Variants in PPFIBP2 observed in about 807,000 individuals in gnomAD.
The protein encoded by PPFIBP2 is PPFIB scaffold protein 2.
A neutral mutation model predicts 118.3 loss-of-function variants in PPFIBP2; 118 were observed. The ratio of observed to expected loss-of-function variants is 1.00; its 90% CI spans 0.86 to 1.16. The LOEUF (loss-of-function observed/expected upper bound fraction) is 1.16. Ranked by LOEUF, PPFIBP2 falls within the 50% of genes most tolerant of loss-of-function variation. The pLI is 0.00. For synonymous variants in PPFIBP2, 414 were observed against 397.4 expected (o/e 1.04, Z -0.50); for missense variants, 1,195 against 1,073.1 (o/e 1.11, Z -1.59).
At chr11:7,633,532 A>T (rs1049262242) in intron 12 of PPFIBP2, among the ~76,000 whole-genome samples, 8 of 152,136 alleles carry the variant, frequency 5.3e-5, no homozygotes, top group Non-Finnish European at 1.0e-4. Context: ...AGGCTTCACT[A>T]CCAAGGTACT....
chr11:7,658,162 A>T (rs1182285880), downstream of PPFIBP2, among the ~76,000 whole-genome samples: 2 of 151,806 alleles, frequency 1.3e-5, no homozygotes, highest in Non-Finnish European at 1.5e-5. Context: ...TTTTTTTATT[A>T]TACTTTAAGT....
chr11:7,649,819 C>A (rs1182207945), intron 21 of PPFIBP2, among the ~76,000 whole-genome samples, 165 bp downstream of exon 21: 1 of 152,234 alleles, frequency 6.6e-6, no homozygotes, highest in East Asian at 1.9e-4. Context: ...CATCCGTTAC[C>A]TGCACTTTGT....
At chr11:7,621,397 C>A (rs979201051) in intron 7 of PPFIBP2, among the ~76,000 whole-genome samples, 14 of 152,038 alleles carry the variant, frequency 9.2e-5, no homozygotes, top group Admixed American at 6.6e-4. Flanking sequence ...TTCAGTAGTC[C>A]CTTCTAGAAT....
intron 14 of PPFIBP2, among the ~76,000 whole-genome samples, chr11:7,639,528 C>T (rs1851858625): frequency 6.6e-6 from 1 of 152,200 alleles, no homozygotes; most frequent in Admixed American, 6.5e-5. Flanking sequence ...CCCTGTCTTA[C>T]TGTGTGGCCT....
intron 5 of PPFIBP2, chr11:7,605,890 C>T (rs1847280087): frequency 2.0e-6 from 3 of 1,500,226 alleles, no homozygotes; most frequent in African/African-American, 1.4e-5. Flanking sequence ...TACTGAGAAG[C>T]TGAACGAAAT....
At chr11:7,522,065 TG>T (rs1849805840) in intron 1 of PPFIBP2, among the ~76,000 whole-genome samples, 1 of 152,116 alleles carries the variant, frequency 6.6e-6, no homozygotes, top group Non-Finnish European at 1.5e-5. Flanking sequence ...CTGTTCAGGA[TG>T]ATTGTGGCTG....
In PPFIBP2 at chr11:7,534,995, G is replaced by A. The variant is rs58490854; in HGVS notation, c.-36-14445G>A. Among the ~76,000 whole-genome samples the A allele has an allele frequency of 3.8e-3, 573 of 152,346 alleles. 3 individuals are homozygous for A. The highest frequency in any genetic ancestry group is 0.013 in the African/African-American group (553 of 41,576). On this transcript the variant is annotated intron_variant, in intron 1 of 23. Transcript: ENST00000299492. The stretch of plus-strand genomic sequence containing the variant: ...GATGGGACCTCATAGGCTCTTTCTG[G>A]TGCAGGCCACTTCCTTTGCCAAGGT...
chr11:7,607,189 C>T (rs1178636322), intron 5 of PPFIBP2, among the ~76,000 whole-genome samples: 8 of 146,624 alleles, frequency 5.5e-5, no homozygotes, highest in East Asian at 2.0e-4. Context: ...GGATTACAGG[C>T]GTGAGCCACC....
At chr11:7,585,286 C>T (rs888906916) in intron 3 of PPFIBP2, among the ~76,000 whole-genome samples, 2 of 152,212 alleles carry the variant, frequency 1.3e-5, no homozygotes, top group African/African-American at 4.8e-5. Flanking sequence ...AAGGCAAGAG[C>T]TCTGAGAAGC....
At chr11:7,543,469 G>A (rs1239764788) in intron 1 of PPFIBP2, among the ~76,000 whole-genome samples, 2 of 152,220 alleles carry the variant, frequency 1.3e-5, no homozygotes, top group African/African-American at 2.4e-5. Flanking sequence ...ACTGGCCCCT[G>A]TCTAGTGGCA....
At chr11:7,602,001 G>A (rs984578797) in intron 5 of PPFIBP2, among the ~76,000 whole-genome samples, 3 of 149,272 alleles carry the variant, frequency 2.0e-5, no homozygotes, top group Middle Eastern at 3.2e-3. Flanking sequence ...GCTGAGTCAG[G>A]AGAATCGCTG....
intron 6 of PPFIBP2, among the ~76,000 whole-genome samples, chr11:7,618,582 A>G (rs1274021129): frequency 1.3e-5 from 2 of 152,248 alleles, no homozygotes; most frequent in South Asian, 2.1e-4. Flanking sequence ...GGCAGGGCCA[A>G]TAATGTCCTC....
chr11:7,568,159 C>T (rs965236793), intron 3 of PPFIBP2, among the ~76,000 whole-genome samples: 2 of 152,186 alleles, frequency 1.3e-5, no homozygotes, highest in South Asian at 2.1e-4. Flanking sequence ...AACTCTGCCT[C>T]GTGACACCTA....
intron 3 of PPFIBP2, among the ~76,000 whole-genome samples, chr11:7,579,045 G>A (rs917586669): frequency 6.6e-5 from 10 of 151,890 alleles, no homozygotes; most frequent in African/African-American, 2.4e-4. Context: ...GGATACATTG[G>A]GGGGGGTCTA....
chr11:7,545,188 G>A (rs771753767), intron 1 of PPFIBP2, among the ~76,000 whole-genome samples: 12 of 152,294 alleles, frequency 7.9e-5, no homozygotes, highest in Admixed American at 5.2e-4. Context: ...CAGCACTTTG[G>A]GAGGCCGAGG....
chr11:7,527,804 G>A (rs1359115092), intron 1 of PPFIBP2, among the ~76,000 whole-genome samples: 1 of 152,108 alleles, frequency 6.6e-6, no homozygotes, highest in African/African-American at 2.4e-5. Context: ...TGCCAATTAA[G>A]GGGCACCTGT....
At chr11:7,556,184 A>T (rs571938657) in intron 2 of PPFIBP2, among the ~76,000 whole-genome samples, 1 of 152,206 alleles carries the variant, frequency 6.6e-6, no homozygotes, top group Admixed American at 6.5e-5. Flanking sequence ...GGCCAGGTGC[A>T]GTGGCTAACG....
At chr11:7,539,764 A>G (rs1442649600) in intron 1 of PPFIBP2, among the ~76,000 whole-genome samples, 9 of 152,172 alleles carry the variant, frequency 5.9e-5, no homozygotes, top group Non-Finnish European at 5.9e-5. Context: ...ATTTGGCCTC[A>G]AAACAGGAGT....
chr11:7,625,894 G>A lies in PPFIBP2; in HGVS notation c.826+3G>A. 1 of 1,612,536 alleles carries A rather than the reference G, an allele frequency of 6.2e-7. No individual in the cohort carries two copies. Among genetic ancestry groups the A allele is most frequent in the Non-Finnish European group, 8.5e-7 (1 of 1,178,668 alleles). On this transcript the variant is annotated splice_donor_region_variant and intron_variant, in intron 8 of 23. Transcript: ENST00000299492. ...CAGTGAGAGTCACACAGAGAGAGGT[G>A]ACTAGCTTGACTCTGACAAAATGCA... is the stretch of plus-strand genomic sequence containing the variant.
Sources: allele counts gnomAD v4.1 joint callset (sites outside exome capture counted in the v4.1 genomes callset), GRCh38; gene constraint gnomAD v4.1.1; transcripts MANE v1.5; gene names NCBI Gene and HGNC (gene_info 2026-07-23, HGNC 2026-07-21).